Variants in SPIN1 observed in about 807,000 individuals in gnomAD.
The protein encoded by SPIN1 is spindlin 1.
SPIN1 carries 3 observed loss-of-function variants against 26.0 expected under a neutral mutation model. The ratio of observed to expected loss-of-function variants is 0.12; its 90% CI spans 0.05 to 0.30. The LOEUF (loss-of-function observed/expected upper bound fraction) is 0.30. SPIN1 is among the 10% of genes least tolerant of loss of function. The pLI, the probability that SPIN1 is intolerant of heterozygous loss-of-function variation, is 1.00. For missense variants in SPIN1, 126 were observed against 333.4 expected (o/e 0.38, Z 4.84); for synonymous variants, 101 against 116.5 (o/e 0.87, Z 0.86).
intron 5 of SPIN1, among the ~76,000 whole-genome samples, chr9:88,474,138 G>C (rs1828845547): frequency 6.6e-6 from 1 of 152,184 alleles, no homozygotes; most frequent in African/African-American, 2.4e-5. Context: ...AATTGTGCCA[G>C]GATAACATGG....
chr9:88,468,341 T>C, intron 4 of SPIN1, 31 bp from the exon 5 acceptor site: 1 of 1,446,816 alleles, frequency 6.9e-7, no homozygotes, highest in East Asian at 2.4e-5. Flanking sequence ...AAACACTTTG[T>C]CAACTTTTTT....
chr9:88,469,786 G>GCCTC (rs1828740461), intron 5 of SPIN1, among the ~76,000 whole-genome samples: 1 of 152,186 alleles, frequency 6.6e-6, no homozygotes, highest in Non-Finnish European at 1.5e-5. Context: ...ACCAGCCTTG[G>GCCTC]CCTCCCACAA....
chr9:88,389,414 C>G (rs1216509543), intron 1 of SPIN1: 2 of 152,262 alleles, frequency 1.3e-5, no homozygotes, highest in African/African-American at 4.8e-5. Context: ...TACAGAGGTT[C>G]GTTTTGAGTA....
intron 1 of SPIN1, among the ~76,000 whole-genome samples, chr9:88,418,417 C>A (rs1827610318): frequency 6.6e-6 from 1 of 152,108 alleles, no homozygotes; most frequent in Admixed American, 6.6e-5. Flanking sequence ...TTGTTGCATA[C>A]CAAGGTAACA....
chr9:88,436,931 T>C (rs1048217550), intron 2 of SPIN1, among the ~76,000 whole-genome samples: 2 of 151,072 alleles, frequency 1.3e-5, no homozygotes, highest in Non-Finnish European at 3.0e-5. Flanking sequence ...CGCCCGGCTA[T>C]TTTTTTTGTA....
At chr9:88,390,223 C>G (rs964379915) in intron 1 of SPIN1, among the ~76,000 whole-genome samples, 1 of 152,152 alleles carries the variant, frequency 6.6e-6, no homozygotes. Context: ...TGGATGTTCC[C>G]TGGAACAGCC....
At chr9:88,399,672 A>C (rs1287141228) in intron 1 of SPIN1, among the ~76,000 whole-genome samples, 1 of 152,178 alleles carries the variant, frequency 6.6e-6, no homozygotes, top group Non-Finnish European at 1.5e-5. Context: ...CAGTGTGTGC[A>C]AGCTGCAGGG....
At chr9:88,419,374 G>A (rs906268940) in intron 1 of SPIN1, among the ~76,000 whole-genome samples, 3 of 152,174 alleles carry the variant, frequency 2.0e-5, no homozygotes, top group Non-Finnish European at 4.4e-5. Flanking sequence ...CTAGCCAGTA[G>A]GGGAATGACA....
chr9:88,417,137 T>G (rs1827582808), intron 1 of SPIN1, among the ~76,000 whole-genome samples: 1 of 152,254 alleles, frequency 6.6e-6, no homozygotes, highest in African/African-American at 2.4e-5. Flanking sequence ...AGAAAGCTAA[T>G]TAGCCCTTCA....
At chr9:88,446,414 T>TG (rs1564035852) in intron 2 of SPIN1, among the ~76,000 whole-genome samples, 1 of 151,548 alleles carries the variant, frequency 6.6e-6, no homozygotes, top group East Asian at 1.9e-4. Context: ...TGCTGTTTTT[T>TG]TTTTTTTTTT....
At chr9:88,393,020 C>G (rs1030719637) in intron 1 of SPIN1, among the ~76,000 whole-genome samples, 1 of 152,024 alleles carries the variant, frequency 6.6e-6, no homozygotes, top group African/African-American at 2.4e-5. Flanking sequence ...AGGAACCTGC[C>G]CATGTAGGAT....
chr9:88,472,871 A>G (rs1828816522), intron 5 of SPIN1, among the ~76,000 whole-genome samples: 1 of 152,154 alleles, frequency 6.6e-6, no homozygotes, highest in Non-Finnish European at 1.5e-5. Context: ...TGTTTTCTTA[A>G]TTTCACTTTT....
At chr9:88,388,989 C>A (rs945846957) in intron 1 of SPIN1, among the ~76,000 whole-genome samples, 14 of 133,390 alleles carry the variant, frequency 1.0e-4, no homozygotes, top group Non-Finnish European at 2.1e-4. Context: ...TGCATAATCC[C>A]GGGCCGGCGA....
chr9:88,428,386 A>G (rs943072931), intron 2 of SPIN1, among the ~76,000 whole-genome samples: 4 of 152,172 alleles, frequency 2.6e-5, no homozygotes, highest in Admixed American at 6.5e-5. Context: ...TTATGTCCAC[A>G]TGAACCCAAG....
chr9:88,410,816 T>A (rs1827427155), intron 1 of SPIN1: 1 of 940,044 alleles, frequency 1.1e-6, no homozygotes, highest in Non-Finnish European at 1.7e-6. Flanking sequence ...TTTCCTCCAC[T>A]ACCAGAGTTG....
At chr9:88,460,962 T>C (rs1199896270) in intron 3 of SPIN1, among the ~76,000 whole-genome samples, 1 of 152,264 alleles carries the variant, frequency 6.6e-6, no homozygotes, top group Non-Finnish European at 1.5e-5. Flanking sequence ...GAGCCTGTTT[T>C]TGAGGCCTGC....
intron 1 of SPIN1, among the ~76,000 whole-genome samples, chr9:88,425,247 A>G (rs1827742497): frequency 6.6e-6 from 1 of 152,144 alleles, no homozygotes; most frequent in Non-Finnish European, 1.5e-5. Context: ...TTGATGTGGC[A>G]GCTGGATAGG....
At position 88,388,521 on chromosome 9, in the gene SPIN1, A is replaced by C. The variant is rs1303090227; in HGVS notation, c.-176A>C. 6.8e-6 allele frequency: 1 copy of C among 147,984 alleles called. No individual in the cohort carries two copies. Among genetic ancestry groups the C allele is most frequent in the South Asian group, 2.1e-4 (1 of 4,814 alleles). 9.2% of individuals were successfully genotyped at this position (147,984 alleles called of 1,614,324 possible). Reference sequence around the variant, plus strand: ...CGGAACCCGTGGGCCTGTGGACTGCAGCCTCGGCGGTCAGCAGGTGAGGCC... The same window carrying C: ...CGGAACCCGTGGGCCTGTGGACTGCCGCCTCGGCGGTCAGCAGGTGAGGCC... On this transcript the variant is annotated 5_prime_UTR_variant, in exon 1 of 6. Coordinates refer to ENST00000375859, the MANE Select transcript of SPIN1 (RefSeq NM_006717.3).
intron 1 of SPIN1, among the ~76,000 whole-genome samples, chr9:88,410,336 G>A (rs1297882929): frequency 2.0e-5 from 3 of 152,068 alleles, no homozygotes; most frequent in Non-Finnish European, 2.9e-5. Flanking sequence ...AAAATAACCT[G>A]TTATACAATT....
Sources: gnomAD v4.1 joint callset for allele counts (sites outside exome capture counted in the v4.1 genomes callset) on GRCh38, gnomAD v4.1.1 for gene constraint, MANE v1.5 for transcripts, NCBI Gene and HGNC (gene_info 2026-07-23, HGNC 2026-07-21) for gene names.